The following GLRA1 variants were observed in gnomAD, a reference collection of about 807,000 sequenced individuals.
The protein encoded by GLRA1 is glycine receptor subunit alpha-1.
A neutral mutation model predicts 48.3 loss-of-function variants in GLRA1; 37 were observed. The observed-to-expected ratio is 0.77, with a 90% CI of 0.59 to 1.01. The LOEUF (loss-of-function observed/expected upper bound fraction) is 1.01. Among genes scored for constraint, GLRA1 ranks in the 50% least tolerant of loss-of-function variants. The probability of loss-of-function intolerance (pLI) is 0.00; values close to 1 mark genes in which losing one functional copy is unlikely to be tolerated. For synonymous variants in GLRA1, 196 were observed against 210.7 expected, an observed-to-expected ratio of 0.93 and a Z score of 0.60; for missense variants, 427 against 571.0, an observed-to-expected ratio of 0.75 and a Z score of 2.57.
intron 3 of GLRA1, among the ~76,000 whole-genome samples, chr5:151,879,966 A>C (rs1462999331): frequency 1.3e-5 from 2 of 152,100 alleles, no homozygotes; most frequent in Non-Finnish European, 2.9e-5. Flanking sequence ...ATAGTGAGTA[A>C]GTCTCACAAG....
intron 7 of GLRA1, among the ~76,000 whole-genome samples, chr5:151,844,169 T>TA (rs144551996): frequency 0.43 from 61,717 of 144,706 alleles, 12,722 homozygotes; most frequent in South Asian, 0.47. Flanking sequence ...GACTATGTCT[T>TA]AAAAAAAAAA....
At chr5:151,853,023 A>T (rs1326001380) in intron 6 of GLRA1, among the ~76,000 whole-genome samples, 1 of 152,208 alleles carries the variant, frequency 6.6e-6, no homozygotes, top group Non-Finnish European at 1.5e-5. Context: ...TCTCACTTAT[A>T]TGTGGAATCT....
intron 1 of GLRA1, among the ~76,000 whole-genome samples, chr5:151,908,957 G>C (rs952943118): frequency 6.6e-6 from 1 of 152,088 alleles, no homozygotes; most frequent in East Asian, 1.9e-4. Context: ...TGCCCTAAAG[G>C]GGTCCTAGGT....
intron 7 of GLRA1, among the ~76,000 whole-genome samples, chr5:151,846,604 G>A (rs1162627824): frequency 1.3e-5 from 2 of 152,120 alleles, no homozygotes; most frequent in Non-Finnish European, 2.9e-5. Context: ...ACTGCTGATG[G>A]CAAATGAAAC....
chr5:151,853,456 A>C (rs1216149413), intron 6 of GLRA1, among the ~76,000 whole-genome samples: 1 of 148,352 alleles, frequency 6.7e-6, no homozygotes, highest in Non-Finnish European at 1.5e-5. Flanking sequence ...GGGTTTCACC[A>C]TGTTGGTTAG....
intron 7 of GLRA1, among the ~76,000 whole-genome samples, chr5:151,835,619 A>G (rs1763556807): frequency 6.6e-6 from 1 of 152,256 alleles, no homozygotes; most frequent in African/African-American, 2.4e-5. Flanking sequence ...ATGACCATCA[A>G]TTCAGCTTCA....
At chr5:151,918,572 G>A (rs1028930251) in intron 1 of GLRA1, among the ~76,000 whole-genome samples, 3 of 152,210 alleles carry the variant, frequency 2.0e-5, no homozygotes, top group Non-Finnish European at 4.4e-5. Context: ...ATCCCAGTTA[G>A]TGGGTATTCA....
chr5:151,833,211 AC>A (rs1397602481), intron 7 of GLRA1, among the ~76,000 whole-genome samples: 1 of 152,224 alleles, frequency 6.6e-6, no homozygotes, highest in Non-Finnish European at 1.5e-5. Flanking sequence ...AATTGTGAAG[AC>A]CGTTGACACT....
Position 151,924,839 on chromosome 5 carries a change from TC to T in GLRA1, c.-291del. 2.1e-6 allele frequency: 1 copy of T among 479,662 alleles called. No homozygotes were observed. The highest frequency in any genetic ancestry group is 2.4e-5 in the South Asian group (1 of 41,942). 29.7% of individuals were successfully genotyped at this position (479,662 alleles called of 1,614,324 possible). The stretch of plus-strand genomic sequence containing the variant: ...GTTAAACTCCAGCGTGTCTGTTGGC[TC>T]CCTGCGGCGCTGGGGAGGCACGTTT... On this transcript the variant is annotated 5_prime_UTR_variant, in exon 1 of 9. Transcript: ENST00000274576.
At chr5:151,886,025 G>T (rs1753895477) in intron 3 of GLRA1, among the ~76,000 whole-genome samples, 1 of 152,038 alleles carries the variant, frequency 6.6e-6, no homozygotes, top group Admixed American at 6.6e-5. Flanking sequence ...TCACAAGCTA[G>T]ATCACTTCCT....
At chr5:151,850,720 TC>T in intron 7 of GLRA1, 1 of 1,130,400 alleles carries the variant, frequency 8.8e-7, no homozygotes, top group Non-Finnish European at 1.3e-6. Context: ...CGAACCCTTT[TC>T]GGTGACAGAA....
intron 1 of GLRA1, among the ~76,000 whole-genome samples, chr5:151,901,532 G>A (rs1407477606): frequency 6.6e-6 from 1 of 152,186 alleles, no homozygotes; most frequent in Non-Finnish European, 1.5e-5. Context: ...AGAGCAAATG[G>A]CTCTCATTAC....
At chr5:151,865,894 C>A (rs1165408494) in intron 3 of GLRA1, among the ~76,000 whole-genome samples, 1 of 152,164 alleles carries the variant, frequency 6.6e-6, no homozygotes, top group Non-Finnish European at 1.5e-5. Context: ...AGTTGGCAAA[C>A]AGCAGTGAGA....
intron 1 of GLRA1, among the ~76,000 whole-genome samples, chr5:151,907,005 A>G (rs1754487483): frequency 1.3e-5 from 2 of 152,218 alleles, no homozygotes; most frequent in Admixed American, 6.5e-5. Flanking sequence ...GTTTCTTGTC[A>G]CTGGAAGTAT....
intron 7 of GLRA1, among the ~76,000 whole-genome samples, chr5:151,842,090 T>C (rs905897481): frequency 6.7e-6 from 1 of 149,922 alleles, no homozygotes; most frequent in African/African-American, 2.5e-5. Flanking sequence ...AAACTTTGAA[T>C]ACACACATAA....
rs540943987 is a variant in GLRA1, at chr5:151,845,373, CAAAT to C, written c.912+6013_912+6016del. On this transcript the variant is annotated intron_variant, in intron 7 of 8. Transcript: ENST00000274576. ...AAAGAACTATTACAACTCAATAAGA[CAAAT>C]AACAAAAGTGAGCAAAAGATTTTAA... Among the ~76,000 whole-genome samples, 168 of 152,226 alleles carry C rather than the reference CAAAT, an allele frequency of 1.1e-3. 1 individual carries two copies. In the Middle Eastern group the frequency reaches 0.02, roughly 18 times the overall value.
Position 151,892,377 on chromosome 5 carries a change from C to T in GLRA1, c.118G>A (p.Asp40Asn), listed in dbSNP as rs1280573966. The T allele has an allele frequency of 6.2e-7, 1 of 1,614,074 alleles. No individual in the cohort carries two copies. Among genetic ancestry groups the T allele is most frequent in the Non-Finnish European group, 8.5e-7 (1 of 1,179,952 alleles). The change falls in exon 2 of 9, where the codon GAT becomes AAT. Residue 40 changes from aspartate to asparagine, a missense_variant. Asp to Asn is a conservative substitution (Grantham distance 23). Transcript: ENST00000274576. ...CTCCCCATTAGCTTATCCAGGAAATCCGAGGGTGACATAGGCTTGGGTGCG... is the reference window on the plus strand; with the variant it reads ...CTCCCCATTAGCTTATCCAGGAAATTCGAGGGTGACATAGGCTTGGGTGCG... ...RSAPKPMSPS[D>N]FLDKLMGRTS...
intron 7 of GLRA1, among the ~76,000 whole-genome samples, chr5:151,843,278 T>TTTG (rs1491072513): frequency 5.0e-5 from 7 of 139,496 alleles, no homozygotes; most frequent in African/African-American, 1.9e-4. Flanking sequence ...TTTTTTTTTT[T>TTTG]GAGATGGAGT....
intron 3 of GLRA1, among the ~76,000 whole-genome samples, chr5:151,862,042 G>A (rs185731405): frequency 1.2e-4 from 18 of 152,196 alleles, no homozygotes; most frequent in South Asian, 2.1e-4. Context: ...ACTATAAGAC[G>A]ACAGTAACCA....
Sources: allele counts gnomAD v4.1 joint callset (sites outside exome capture counted in the v4.1 genomes callset), GRCh38; gene constraint gnomAD v4.1.1; transcripts MANE v1.5; gene names NCBI Gene and HGNC (gene_info 2026-07-23, HGNC 2026-07-21).